The following LARGE1 variants were observed in gnomAD, a reference collection of about 807,000 sequenced individuals.
LARGE1 encodes the protein LARGE xylosyl- and glucuronyltransferase 1.
A neutral mutation model predicts 87.6 loss-of-function variants in LARGE1; 43 were observed. That is an observed-to-expected ratio of 0.49 (90% confidence interval 0.38 to 0.63). LARGE1 has a LOEUF of 0.63. Among genes scored for constraint, LARGE1 ranks in the 30% least tolerant of loss-of-function variants. LARGE1 has a pLI of 0.00. For missense variants in LARGE1, 802 were observed against 1,000.2 expected, an observed-to-expected ratio of 0.80 and a Z score of 2.67; for synonymous variants, 434 against 394.6, an observed-to-expected ratio of 1.10 and a Z score of -1.18.
intron 11 of LARGE1, among the ~76,000 whole-genome samples, chr22:33,219,047 G>C (rs1925339017): frequency 1.3e-5 from 2 of 152,060 alleles, no homozygotes; most frequent in Non-Finnish European, 2.9e-5. Context: ...GTAAAGAAAG[G>C]CTCTTGAATC....
chr22:33,760,312 G>A (rs2084675792), intron 2 of LARGE1, among the ~76,000 whole-genome samples: 1 of 152,142 alleles, frequency 6.6e-6, no homozygotes, highest in African/African-American at 2.4e-5. Context: ...CTAGAAAAAT[G>A]GTGAGTCTTG....
intron 1 of LARGE1, among the ~76,000 whole-genome samples, chr22:33,766,088 A>C (rs1167594964): frequency 6.6e-6 from 1 of 152,226 alleles, no homozygotes; most frequent in Non-Finnish European, 1.5e-5. Flanking sequence ...GTCAACACAG[A>C]AATCAACACA....
At position 33,470,015 on chromosome 22, in the gene LARGE1, G is replaced by A. The variant is rs1328591892; in HGVS notation, c.788-37750C>T. Among the ~76,000 whole-genome samples the A allele has an allele frequency of 6.0e-5, 9 of 148,976 alleles. No individual in the cohort carries two copies. The East Asian group carries it at 1.9e-3, about 31-fold the overall frequency. On this transcript the variant is annotated intron_variant, in intron 6 of 14. Coordinates refer to ENST00000397394, the MANE Select transcript of LARGE1 (RefSeq NM_133642.5). Reference sequence around the variant, plus strand: ...CGCCATTCTCCTGCCTCAGCCTCCCGAGTAGCTGGGACTACAGGCTCCTGC... The same window carrying A: ...CGCCATTCTCCTGCCTCAGCCTCCCAAGTAGCTGGGACTACAGGCTCCTGC...
rs568485983 is a variant in LARGE1 at position 33,872,927 on chromosome 22, G to A, written c.-83+47068C>T. Among the ~76,000 whole-genome samples the A allele has an allele frequency of 3.4e-3, 522 of 152,220 alleles. 1 individual carries two copies. The highest frequency in any genetic ancestry group is 0.012 in the African/African-American group (502 of 41,532). On this transcript the variant is annotated intron_variant, in intron 1 of 14. Coordinates refer to ENST00000397394, the MANE Select transcript of LARGE1 (RefSeq NM_133642.5). ...AGGCAGGAGAATTGCCTGAACCCAT[G>A]AGGTGGAGGTTACAGTGAACCGAGA...
At chr22:33,594,380 G>T (rs928983794) in intron 5 of LARGE1, among the ~76,000 whole-genome samples, 4 of 152,066 alleles carry the variant, frequency 2.6e-5, no homozygotes, top group African/African-American at 9.7e-5. Context: ...CCCAAAAAGG[G>T]CCTCATCGAA....
the LARGE1 span, among the ~76,000 whole-genome samples, chr22:33,126,097 G>A: frequency 6.6e-6 from 1 of 152,246 alleles, no homozygotes; most frequent in Admixed American, 6.5e-5. Flanking sequence ...CTAGGGCTGG[G>A]GTTTGCTTAA....
chr22:33,696,465 G>A (rs376542532), intron 2 of LARGE1, among the ~76,000 whole-genome samples: 7 of 151,892 alleles, frequency 4.6e-5, no homozygotes, highest in Non-Finnish European at 1.0e-4. Flanking sequence ...GTTTCACTAC[G>A]TGGGCCTGGC....
At chr22:33,370,931 GAAT>G (rs1253276877) in intron 9 of LARGE1, among the ~76,000 whole-genome samples, 8 of 149,286 alleles carry the variant, frequency 5.4e-5, no homozygotes, top group Non-Finnish European at 1.0e-4. Flanking sequence ...AACATAACAT[GAAT>G]AATACATATA....
intron 6 of LARGE1, among the ~76,000 whole-genome samples, chr22:33,538,201 TC>T (rs1467613031): frequency 2.6e-5 from 4 of 152,130 alleles, no homozygotes; most frequent in Admixed American, 1.3e-4. Flanking sequence ...CTCTAGTGCT[TC>T]CCCTCAACCT....
At chr22:33,741,042 A>C (rs1247900342) in intron 2 of LARGE1, among the ~76,000 whole-genome samples, 1 of 152,234 alleles carries the variant, frequency 6.6e-6, no homozygotes, top group African/African-American at 2.4e-5. Context: ...CCACTTCATT[A>C]AATAGAAGGA....
intron 10 of LARGE1, among the ~76,000 whole-genome samples, chr22:33,335,913 C>T (rs5998885): frequency 1.3e-5 from 2 of 152,022 alleles, no homozygotes; most frequent in Admixed American, 6.5e-5. Flanking sequence ...TTGTTTTCTG[C>T]GAGTTTAGTT....
intron 1 of LARGE1, among the ~76,000 whole-genome samples, chr22:33,897,048 C>T (rs1441807807): frequency 6.6e-6 from 1 of 152,152 alleles, no homozygotes; most frequent in Non-Finnish European, 1.5e-5. Context: ...TTCACCCCAA[C>T]GTTAGCAGAT....
At chr22:33,766,461 T>C (rs1191535453) in intron 1 of LARGE1, among the ~76,000 whole-genome samples, 1 of 152,222 alleles carries the variant, frequency 6.6e-6, no homozygotes, top group African/African-American at 2.4e-5. Flanking sequence ...GTTTCTCTCT[T>C]GTGGCACAGG....
At chr22:33,630,442 TACAAC>T (rs1362281639) in intron 3 of LARGE1, among the ~76,000 whole-genome samples, 2 of 152,182 alleles carry the variant, frequency 1.3e-5, no homozygotes, top group Non-Finnish European at 2.9e-5. Context: ...TGGTATAGCC[TACAAC>T]ACACATAGGC....
chr22:33,166,751 C>A (rs976345244), exon 12 of LARGE1: 1 of 471,352 alleles, frequency 2.1e-6, no homozygotes, highest in Non-Finnish European at 4.4e-6. Context: ...AGGAAGCCAA[C>A]GCCGAGGACA....
At chr22:33,916,354 T>G (rs761458366) in intron 1 of LARGE1, among the ~76,000 whole-genome samples, 1 of 152,044 alleles carries the variant, frequency 6.6e-6, no homozygotes, top group Non-Finnish European at 1.5e-5. Flanking sequence ...AGAAGCTAAA[T>G]GTAACCTGAC....
intron 11 of LARGE1, among the ~76,000 whole-genome samples, chr22:33,180,131 A>G (rs1923085546): frequency 6.6e-6 from 1 of 152,220 alleles, no homozygotes; most frequent in Non-Finnish European, 1.5e-5. Flanking sequence ...TTGGACTCCC[A>G]ACCTACAGAC....
At chr22:33,795,151 T>C (rs1344715357) in intron 1 of LARGE1, among the ~76,000 whole-genome samples, 1 of 152,216 alleles carries the variant, frequency 6.6e-6, no homozygotes, top group Non-Finnish European at 1.5e-5. Context: ...TAATCTGGTA[T>C]AAATTAATCC....
At chr22:33,270,218 C>T (rs1254096803), downstream of LARGE1, among the ~76,000 whole-genome samples, 1 of 152,048 alleles carries the variant, frequency 6.6e-6, no homozygotes, top group Non-Finnish European at 1.5e-5. Context: ...ACATTAGATC[C>T]TATGGGTCTG....
Sources: gnomAD v4.1 joint callset for allele counts (sites outside exome capture counted in the v4.1 genomes callset) on GRCh38, gnomAD v4.1.1 for gene constraint, MANE v1.5 for transcripts, NCBI Gene and HGNC (gene_info 2026-07-23, HGNC 2026-07-21) for gene names.